The following CCDC141 variants were observed in gnomAD, a reference collection of about 807,000 sequenced individuals.
CCDC141 encodes the protein coiled-coil domain containing 141.
A neutral mutation model predicts 181.0 loss-of-function variants in CCDC141; 168 were observed. The ratio of observed to expected loss-of-function variants is 0.93; its 90% CI spans 0.82 to 1.05. The LOEUF is 1.05. Ranked by LOEUF, CCDC141 falls within the 50% of genes least tolerant of loss-of-function variation. The pLI, the probability that CCDC141 is intolerant of heterozygous loss-of-function variation, is 0.00. For missense variants in CCDC141, 1,902 were observed against 1,788.5 expected, an observed-to-expected ratio of 1.06 and a Z score of -1.14; for synonymous variants, 666 against 642.3, an observed-to-expected ratio of 1.04 and a Z score of -0.56.
rs1270030159 is a variant in CCDC141 at position 178,833,299 on chromosome 2, A to G, written c.*874T>C. ...CATTTTCCAGATGTTTAAAAGACAC[A>G]AAATGAAAACTCTCAATTGCCCAAG... On this transcript the variant is annotated 3_prime_UTR_variant, in exon 24 of 24. Coordinates refer to ENST00000443758, the MANE Select transcript of CCDC141 (RefSeq NM_173648.4). 3 of 152,214 alleles carry G rather than the reference A, an allele frequency of 2.0e-5. No homozygotes were observed. The highest frequency in any genetic ancestry group is 7.2e-5 in the African/African-American group (3 of 41,460). 9.4% of individuals were successfully genotyped at this position (152,214 alleles called of 1,614,324 possible). A position where few individuals can be genotyped will look rare whatever the true frequency, so the allele number is the denominator to read the frequency against.
At chr2:178,974,439 A>T (rs1691033889) in intron 4 of CCDC141, among the ~76,000 whole-genome samples, 1 of 152,046 alleles carries the variant, frequency 6.6e-6, no homozygotes, top group Non-Finnish European at 1.5e-5. Flanking sequence ...GCGTTTCCCT[A>T]CTCCACTCCT....
intron 7 of CCDC141, among the ~76,000 whole-genome samples, chr2:178,917,894 G>C (rs569770097): frequency 4.6e-5 from 7 of 152,328 alleles, no homozygotes; most frequent in African/African-American, 9.6e-5. Flanking sequence ...TCAGGCTAAG[G>C]CACTGTTTCT....
Position 178,834,072 on chromosome 2 carries a change from T to C in CCDC141, c.*101A>G. 2 of 1,195,104 alleles carry C rather than the reference T, an allele frequency of 1.7e-6. No homozygotes were observed. The highest frequency in any genetic ancestry group is 2.3e-6 in the Non-Finnish European group (2 of 855,528). 74.0% of individuals were successfully genotyped at this position (1,195,104 alleles called of 1,614,324 possible). ...ACAAGTATGGTGATCAGACTGGAGATACACTTGGTGGGAGATGCTTTGCAG... is the reference window on the plus strand; with the variant it reads ...ACAAGTATGGTGATCAGACTGGAGACACACTTGGTGGGAGATGCTTTGCAG... On this transcript the variant is annotated 3_prime_UTR_variant, in exon 24 of 24. Transcript: ENST00000443758.
chr2:179,047,330 G>T lies in CCDC141; in HGVS notation c.179C>A (p.Thr60Asn). Residue 60 changes from threonine to asparagine, a missense_variant, in exon 2 of 24, where the codon ACC (threonine) becomes AAC (asparagine). Coordinates refer to ENST00000443758, the MANE Select transcript of CCDC141 (RefSeq NM_173648.4). ...TTCATGATCATGAAGAAGTTTTTTG[G>T]TTTCATCTTGACTGCTGCCAATTTC... is the stretch of plus-strand genomic sequence containing the variant. ...LLEIGSSQDETKKLLHDHELL... is the reference protein window; with the variant it reads ...LLEIGSSQDENKKLLHDHELL... The T allele has an allele frequency of 1.3e-6, 2 of 1,542,552 alleles. No homozygotes were observed. The highest frequency in any genetic ancestry group is 1.7e-6 in the Non-Finnish European group (2 of 1,144,584).
intron 2 of CCDC141, among the ~76,000 whole-genome samples, chr2:179,023,481 C>T (rs1240338179): frequency 1.3e-5 from 2 of 152,106 alleles, no homozygotes; most frequent in East Asian, 3.8e-4. Flanking sequence ...CAGATTAATA[C>T]ATTTAAAACA....
At chr2:178,848,154 C>T (rs1199927070) in intron 21 of CCDC141, among the ~76,000 whole-genome samples, 2 of 152,124 alleles carry the variant, frequency 1.3e-5, no homozygotes, top group Non-Finnish European at 2.9e-5. Flanking sequence ...TTGGGTTTGG[C>T]TCTGAGAGAT....
intron 2 of CCDC141, among the ~76,000 whole-genome samples, chr2:178,995,778 A>G (rs1167644474): frequency 6.6e-6 from 1 of 152,130 alleles, no homozygotes; most frequent in East Asian, 1.9e-4. Context: ...TTAGCAGGAG[A>G]GTTTGACCAA....
At position 179,024,913 on chromosome 2, in the gene CCDC141, A is replaced by T. The variant is rs189825893; in HGVS notation, c.225+22371T>A. Among the ~76,000 whole-genome samples, 1,387 of 151,976 alleles carry T rather than the reference A, an allele frequency of 9.1e-3. 17 individuals are homozygous for T. Among genetic ancestry groups the T allele is most frequent in the African/African-American group, 0.032 (1,307 of 41,424 alleles). ...TTTAGAATTACTGCAAAAACTTTTT[A>T]AAAAAAACATACAGGCACTCCAGCC... On this transcript the variant is annotated intron_variant, in intron 2 of 23. Coordinates refer to ENST00000443758, the MANE Select transcript of CCDC141 (RefSeq NM_173648.4).
rs568757779 is a variant in CCDC141 at position 178,963,489 on chromosome 2, T to C, written c.527-2006A>G. Among the ~76,000 whole-genome samples the C allele has an allele frequency of 9.3e-4, 142 of 152,226 alleles. 1 individual carries two copies. Among genetic ancestry groups the C allele is most frequent in the African/African-American group, 3.4e-3 (140 of 41,560 alleles). On this transcript the variant is annotated intron_variant, in intron 4 of 23. Coordinates refer to ENST00000443758, the MANE Select transcript of CCDC141 (RefSeq NM_173648.4). ...CTAAGCATCTTACCAAGCCAGATAC[T>C]AATAAAAATGGACTGAACTGGTGCT... is the stretch of plus-strand genomic sequence containing the variant.
chr2:178,837,002 TCAG>T lies in CCDC141; in HGVS notation c.4214_4216del (p.Ala1405del). 1.2e-6 allele frequency: 2 copies of T among 1,613,996 alleles called. No homozygotes were observed. Among genetic ancestry groups the T allele is most frequent in the Non-Finnish European group, 1.7e-6 (2 of 1,179,948 alleles). ...GAGCCTGGAGAAATTAGGTGCCTGGTCAGCTAGGCTGACCACGCTGCTCTTTGC... is the reference window on the plus strand; with the variant it reads ...GAGCCTGGAGAAATTAGGTGCCTGGTCTAGGCTGACCACGCTGCTCTTTGC... On this transcript the variant is annotated inframe_deletion, in exon 23 of 24. Transcript: ENST00000443758.
At chr2:179,027,430 G>T (rs918195686) in intron 2 of CCDC141, among the ~76,000 whole-genome samples, 8 of 151,666 alleles carry the variant, frequency 5.3e-5, no homozygotes, top group Non-Finnish European at 8.8e-5. Flanking sequence ...GGATCACAAG[G>T]TCAGGAGATC....
intron 12 of CCDC141, chr2:178,874,887 T>G (rs539123905): frequency 6.6e-6 from 1 of 152,220 alleles, no homozygotes; most frequent in Non-Finnish European, 1.5e-5. Flanking sequence ...TATCGGGCAG[T>G]GGATTAAAAA....
intron 19 of CCDC141, among the ~76,000 whole-genome samples, chr2:178,853,938 G>A (rs1685274142): frequency 6.6e-6 from 1 of 152,106 alleles, no homozygotes; most frequent in Non-Finnish European, 1.5e-5. Context: ...GAATGTTGCA[G>A]ACTTATAAGA....
chr2:178,844,063 T>G (rs1684834998), intron 22 of CCDC141, among the ~76,000 whole-genome samples: 1 of 152,224 alleles, frequency 6.6e-6, no homozygotes, highest in East Asian at 1.9e-4. Context: ...AATCTGTTTC[T>G]TCTAACAAGA....
At chr2:178,908,699 C>T (rs1159989301) in intron 7 of CCDC141, among the ~76,000 whole-genome samples, 1 of 152,160 alleles carries the variant, frequency 6.6e-6, no homozygotes, top group Non-Finnish European at 1.5e-5. Context: ...AGCCTTCTTG[C>T]CTTTCTTCCT....
intron 2 of CCDC141, among the ~76,000 whole-genome samples, chr2:178,983,289 G>A (rs1691534076): frequency 6.6e-6 from 1 of 152,118 alleles, no homozygotes; most frequent in Non-Finnish European, 1.5e-5. Flanking sequence ...AAACAGAAAT[G>A]ACATCCACAC....
At chr2:178,926,834 TG>T (rs775432713) in intron 6 of CCDC141, among the ~76,000 whole-genome samples, 30 of 152,318 alleles carry the variant, frequency 2.0e-4, no homozygotes, top group Non-Finnish European at 5.9e-5. Flanking sequence ...ATGATGGATT[TG>T]TAATTAGCCC....
chr2:178,836,825 C>T, intron 23 of CCDC141, 69 bp downstream of exon 23: 2 of 1,516,486 alleles, frequency 1.3e-6, no homozygotes, highest in Non-Finnish European at 1.8e-6. Flanking sequence ...TCAGTTAGTG[C>T]TCACAGAATG....
At chr2:179,042,495 G>T (rs961063001) in intron 2 of CCDC141, among the ~76,000 whole-genome samples, 1 of 151,950 alleles carries the variant, frequency 6.6e-6, no homozygotes, top group Non-Finnish European at 1.5e-5. Context: ...TTACAGGCAC[G>T]CACCACTACA....
Sources: gnomAD v4.1 joint callset for allele counts (sites outside exome capture counted in the v4.1 genomes callset) on GRCh38, gnomAD v4.1.1 for gene constraint, MANE v1.5 for transcripts, NCBI Gene and HGNC (gene_info 2026-07-23, HGNC 2026-07-21) for gene names.